TAF4B: variants seen among roughly 807,000 people sequenced by gnomAD.
TAF4B encodes the protein transcription initiation factor TFIID subunit 4B.
In TAF4B, 38 loss-of-function variants were observed where a neutral mutation model predicts 86.4. The observed-to-expected ratio is 0.44, with a 90% CI of 0.34 to 0.58. TAF4B has a LOEUF of 0.58. Among genes scored for constraint, TAF4B ranks in the 20% least tolerant of loss-of-function variants. The pLI is 0.02. For synonymous variants in TAF4B, 388 were observed against 391.2 expected, an observed-to-expected ratio of 0.99 and a Z score of 0.10; for missense variants, 988 against 1,027.6, an observed-to-expected ratio of 0.96 and a Z score of 0.53.
Position 26,350,719 on chromosome 18 carries a change from A to T in TAF4B, c.2317-6971A>T, listed in dbSNP as rs1257726370. On this transcript the variant is annotated intron_variant, in intron 13 of 14. Coordinates refer to ENST00000269142, the MANE Select transcript of TAF4B (RefSeq NM_005640.3). ...AACAAACAAATGGGCAAATGATCAG[A>T]ATGGACATTTCTCAAAAGAAGACAT... Among the ~76,000 whole-genome samples the T allele has an allele frequency of 2.0e-5, 3 of 152,218 alleles. No individual in the cohort carries two copies. The East Asian group carries it at 5.8e-4, about 29-fold the overall frequency.
chr18:26,321,561 T>G (rs1316466985), intron 11 of TAF4B, among the ~76,000 whole-genome samples: 2 of 141,924 alleles, frequency 1.4e-5, no homozygotes, highest in African/African-American at 5.1e-5. Context: ...TTTTTTTTTT[T>G]GCCTTTCAGT....
chr18:26,387,394 G>A (rs554164895), intron 14 of TAF4B, among the ~76,000 whole-genome samples: 1 of 152,150 alleles, frequency 6.6e-6, no homozygotes, highest in Non-Finnish European at 1.5e-5. Context: ...CCAATTACAT[G>A]TTTTAGTAAC....
intron 3 of TAF4B, among the ~76,000 whole-genome samples, chr18:26,268,647 C>T (rs1353751604): frequency 1.3e-5 from 2 of 152,092 alleles, no homozygotes; most frequent in Non-Finnish European, 2.9e-5. Flanking sequence ...GTGGATTTGC[C>T]ACACATACTT....
chr18:26,315,212 T>G lies in TAF4B; in HGVS notation c.1833-17T>G. On this transcript the variant is annotated splice_polypyrimidine_tract_variant and intron_variant, in intron 9 of 14. Coordinates refer to ENST00000269142, the MANE Select transcript of TAF4B (RefSeq NM_005640.3). Reference sequence around the variant, plus strand: ...ACACACAACCTAAAATGTATAACTTTTTTTTTTTTCTATTAGAGATGAGGA... The same window carrying G: ...ACACACAACCTAAAATGTATAACTTGTTTTTTTTTCTATTAGAGATGAGGA... 6.5e-7 allele frequency: 1 copy of G among 1,547,248 alleles called. No individual in the cohort carries two copies. The highest frequency in any genetic ancestry group is 2.4e-4 in the Middle Eastern group (1 of 4,210).
intron 12 of TAF4B, among the ~76,000 whole-genome samples, chr18:26,334,237 CTA>C (rs2057073234): frequency 6.6e-6 from 1 of 152,090 alleles, no homozygotes; most frequent in Non-Finnish European, 1.5e-5. Context: ...AATTTAAAGA[CTA>C]TCTCTTATAT....
Position 26,285,222 on chromosome 18 carries a change from G to GTTTTTTTTTTTTTTTTTTTTTTTTT in TAF4B, c.973-646_973-645insTTTTTTTTTTTTTTTTTTTTTTTTT. Among the ~76,000 whole-genome samples, 93 of 45,684 alleles carry GTTTTTTTTTTTTTTTTTTTTTTTTT rather than the reference G, an allele frequency of 2.0e-3. 5 individuals carry two copies. Among genetic ancestry groups the GTTTTTTTTTTTTTTTTTTTTTTTTT allele is most frequent in the East Asian group, 4.4e-3 (4 of 910 alleles). The allele number at this position is 45,684 out of a possible 152,430, so 30.0% of individuals were successfully genotyped here. A position where few individuals can be genotyped will look rare whatever the true frequency, so the allele number is the denominator to read the frequency against. ...ATTTCTTCCTTTCCTTTTTTTTTTT[G>GTTTTTTTTTTTTTTTTTTTTTTTTT]TTTTTTTTTTTTTTGGAGATGGGGT... is the stretch of plus-strand genomic sequence containing the variant. On this transcript the variant is annotated intron_variant, in intron 6 of 14. Transcript: ENST00000269142.
intron 14 of TAF4B, among the ~76,000 whole-genome samples, chr18:26,372,159 C>T (rs987213252): frequency 2.0e-5 from 3 of 152,152 alleles, no homozygotes; most frequent in African/African-American, 7.2e-5. Flanking sequence ...ACATTGGTTT[C>T]CTGACCCATG....
intron 9 of TAF4B, among the ~76,000 whole-genome samples, chr18:26,303,953 G>T (rs2056768290): frequency 6.6e-6 from 1 of 151,706 alleles, no homozygotes; most frequent in Non-Finnish European, 1.5e-5. Flanking sequence ...ATGATTTGTT[G>T]CATTTATCTG....
intron 13 of TAF4B, among the ~76,000 whole-genome samples, chr18:26,345,277 C>G (rs968540903): frequency 6.6e-6 from 1 of 152,196 alleles, no homozygotes; most frequent in Non-Finnish European, 1.5e-5. Flanking sequence ...CCTGAGAGAC[C>G]AAGCCATCCT....
rs754352973 is a variant in TAF4B at position 26,286,380 on chromosome 18, G to A, written c.1471G>A (p.Ala491Thr). 1.2e-6 allele frequency: 2 copies of A among 1,614,204 alleles called. No individual in the cohort carries two copies. Among genetic ancestry groups the A allele is most frequent in the South Asian group, 1.1e-5 (1 of 91,080 alleles). ...ATCTGTGAAACCTGTTGTTTCTTCT[G>A]CTGGGACCACATCTGACAAGCCTGT... ...LPSVKPVVSS[A>T]GTTSDKPVIG... The change falls in exon 7 of 15, where the codon GCT (alanine) becomes ACT (threonine). Residue 491 changes from alanine (A) to threonine (T), a missense_variant. By Grantham distance (58) the Ala-to-Thr change is moderately conservative (BLOSUM62 0). This residue lies in a region of TAF4B where 747 missense variants were observed against 737.9 expected (regional missense o/e 1.01). Coordinates refer to ENST00000269142, the MANE Select transcript of TAF4B (RefSeq NM_005640.3).
At position 26,265,288 on chromosome 18, in the gene TAF4B, TCAAA is replaced by T. The variant is rs1416942184; in HGVS notation, c.465_468del (p.Thr156SerfsTer13). Reference sequence around the variant, plus strand: ...CAAGGCCAGCAGTACCAGCGAATCCTCAAACAGTCAAAATCTGTACAGTGCCGGT... The same window carrying T: ...CAAGGCCAGCAGTACCAGCGAATCCTCAGTCAAAATCTGTACAGTGCCGGT... On this transcript the variant is annotated frameshift_variant, in exon 2 of 15. Coordinates refer to ENST00000269142, the MANE Select transcript of TAF4B (RefSeq NM_005640.3). LOFTEE classifies it high-confidence loss of function. 3 of 1,613,512 alleles carry T rather than the reference TCAAA, an allele frequency of 1.9e-6. No individual in the cohort carries two copies. The highest frequency in any genetic ancestry group is 2.5e-6 in the Non-Finnish European group (3 of 1,179,918).
intron 1 of TAF4B, among the ~76,000 whole-genome samples, chr18:26,262,590 T>G (rs764186100): frequency 6.6e-6 from 1 of 151,996 alleles, no homozygotes; most frequent in Non-Finnish European, 1.5e-5. Context: ...TTCTTGTGCT[T>G]CAGCCTCCTG....
chr18:26,329,851 C>T (rs1485457021), intron 12 of TAF4B, among the ~76,000 whole-genome samples: 1 of 152,156 alleles, frequency 6.6e-6, no homozygotes, highest in Non-Finnish European at 1.5e-5. Context: ...GTTGCCCAGA[C>T]TAGAGTGCAG....
chr18:26,311,860 G>C (rs1341072668), intron 9 of TAF4B, among the ~76,000 whole-genome samples: 1 of 152,210 alleles, frequency 6.6e-6, no homozygotes, highest in Non-Finnish European at 1.5e-5. Context: ...GTAGTCTGCT[G>C]TTGTTAGAGA....
intron 9 of TAF4B, among the ~76,000 whole-genome samples, chr18:26,298,340 T>G (rs1465881712): frequency 6.6e-6 from 1 of 151,978 alleles, no homozygotes; most frequent in Non-Finnish European, 1.5e-5. Context: ...GCCATTCTGC[T>G]GCCTCAGCCT....
chr18:26,390,040 G>A lies in TAF4B; in HGVS notation c.*28G>A. On this transcript the variant is annotated 3_prime_UTR_variant, in exon 15 of 15. Transcript: ENST00000269142. ...ACTCCACTCTTCCATCCAGATCCTT[G>A]CTATTTACTGCCAAAGAAGACACAA... 6.3e-7 allele frequency: 1 copy of A among 1,594,402 alleles called. No homozygotes were observed. The highest frequency in any genetic ancestry group is 8.5e-7 in the Non-Finnish European group (1 of 1,170,834).
At chr18:26,275,600 G>C (rs1261591985) in intron 5 of TAF4B, among the ~76,000 whole-genome samples, 1 of 152,038 alleles carries the variant, frequency 6.6e-6, no homozygotes, top group Non-Finnish European at 1.5e-5. Flanking sequence ...ATATGTTTAA[G>C]GTATACAACA....
intron 1 of TAF4B, among the ~76,000 whole-genome samples, chr18:26,257,294 A>G (rs1231485261): frequency 2.0e-5 from 3 of 152,046 alleles, no homozygotes; most frequent in African/African-American, 7.2e-5. Context: ...CATCGTGTTG[A>G]TCTGTTAGCC....
At chr18:26,228,343 A>G (rs879838850) in intron 1 of TAF4B, among the ~76,000 whole-genome samples, 1 of 152,204 alleles carries the variant, frequency 6.6e-6, no homozygotes, top group Non-Finnish European at 1.5e-5. Flanking sequence ...CCCTTTTTGT[A>G]TCTAATGTTG....
Sources: allele counts gnomAD v4.1 joint callset (sites outside exome capture counted in the v4.1 genomes callset), GRCh38; gene constraint gnomAD v4.1.1; regional missense constraint gnomAD v4.1.1; transcripts MANE v1.5; gene names NCBI Gene and HGNC (gene_info 2026-07-23, HGNC 2026-07-21).